Variants in MACC1 observed in about 807,000 individuals in gnomAD.
The protein encoded by MACC1 is metastasis-associated in colon cancer protein 1.
In MACC1, 79 loss-of-function variants were observed where a neutral mutation model predicts 70.7. The observed-to-expected ratio is 1.12, with a 90% CI of 0.93 to 1.35. The LOEUF is 1.35. Ranked by LOEUF, MACC1 falls within the 40% of genes most tolerant of loss-of-function variation. The pLI is 0.00. For synonymous variants in MACC1, 361 were observed against 347.2 expected (o/e 1.04, Z -0.44); for missense variants, 1,106 against 978.1 (o/e 1.13, Z -1.74).
chr7:20,197,491 C>T (rs147238288), intron 1 of MACC1, among the ~76,000 whole-genome samples: 6 of 152,260 alleles, frequency 3.9e-5, no homozygotes, highest in African/African-American at 1.4e-4. Context: ...TTTTCTTTCT[C>T]GAGCATTTTT....
intron 1 of MACC1, among the ~76,000 whole-genome samples, chr7:20,174,459 T>C (rs6958990): frequency 0.012 from 1,882 of 152,280 alleles, 45 homozygotes; most frequent in African/African-American, 0.043. Context: ...AATATAACTA[T>C]ATGGGAAATT....
At chr7:20,210,554 C>T (rs1395100786) in intron 1 of MACC1, among the ~76,000 whole-genome samples, 1 of 152,122 alleles carries the variant, frequency 6.6e-6, no homozygotes, top group Admixed American at 6.6e-5. Flanking sequence ...ATATTGATTC[C>T]CCACTGCCTT....
intron 5 of MACC1, among the ~76,000 whole-genome samples, chr7:20,155,398 C>T (rs1387188843): frequency 1.3e-5 from 2 of 152,174 alleles, no homozygotes; most frequent in Non-Finnish European, 2.9e-5. Flanking sequence ...AGATTAACAA[C>T]AATAACTAGT....
intron 1 of MACC1, among the ~76,000 whole-genome samples, chr7:20,201,272 A>G (rs989226983): frequency 1.3e-5 from 2 of 152,204 alleles, no homozygotes; most frequent in African/African-American, 4.8e-5. Context: ...AATTTATGAA[A>G]TGGGTTCTGA....
chr7:20,198,917 G>A (rs963727580), intron 1 of MACC1, among the ~76,000 whole-genome samples: 14 of 152,206 alleles, frequency 9.2e-5, no homozygotes, highest in African/African-American at 3.4e-4. Flanking sequence ...TTTATCCACA[G>A]AAGAGTGGTG....
At chr7:20,171,850 T>C (rs972431631) in intron 1 of MACC1, among the ~76,000 whole-genome samples, 2 of 152,094 alleles carry the variant, frequency 1.3e-5, no homozygotes, top group African/African-American at 4.8e-5. Flanking sequence ...ACAGAGACAA[T>C]TACATCTTCA....
rs534080758 is a variant in MACC1 at position 20,137,780 on chromosome 7, A to T, written c.*3166T>A. ...ATCCATTATAGCAAGAAAAAATATA[A>T]AGTTCAGAAAAGTAGAAACTATTTA... On this transcript the variant is annotated 3_prime_UTR_variant, in exon 7 of 7. Transcript: ENST00000400331. The T allele has an allele frequency of 3.3e-5, 5 of 152,324 alleles. No individual in the cohort carries two copies. Among genetic ancestry groups the T allele is most frequent in the Non-Finnish European group, 7.4e-5 (5 of 68,020 alleles). The allele number at this position is 152,324 out of a possible 1,614,324, so 9.4% of individuals were successfully genotyped here.
At position 20,140,726 on chromosome 7, in the gene MACC1, C is replaced by T. The variant is rs1034330605; in HGVS notation, c.*220G>A. The T allele has an allele frequency of 1.2e-5, 5 of 413,090 alleles. No individual in the cohort carries two copies. The highest frequency in any genetic ancestry group is 2.2e-5 in the African/African-American group (1 of 46,156). The allele number at this position is 413,090 out of a possible 1,614,324, so 25.6% of individuals were successfully genotyped here. ...CATCTTGGTTATCAGTTAGGCTGTG[C>T]TTTCATCAGGAAAAAAAAACTGGTT... is the stretch of plus-strand genomic sequence containing the variant. On this transcript the variant is annotated 3_prime_UTR_variant, in exon 7 of 7. Transcript: ENST00000400331.
chr7:20,199,804 A>G (rs1453738283), intron 1 of MACC1, among the ~76,000 whole-genome samples: 1 of 152,234 alleles, frequency 6.6e-6, no homozygotes, highest in Non-Finnish European at 1.5e-5. Context: ...AGTTAAGAAA[A>G]ACTTATTTTT....
chr7:20,158,854 T>A lies in MACC1; in HGVS notation c.1507A>T (p.Thr503Ser). The A allele has an allele frequency of 6.2e-7, 1 of 1,614,120 alleles. No homozygotes were observed. Among genetic ancestry groups the A allele is most frequent in the East Asian group, 2.2e-5 (1 of 44,872 alleles). ...NGEPVAQFSI[T>S]TPDPTPNLKR... ...AGGTTTGGGGTTGGATCAGGAGTAG[T>A]GATAGAGAACTGTGCAACTGGTTCA... The change falls in exon 5 of 7, where the codon ACT becomes TCT. Residue 503 changes from threonine (T) to serine (S), a missense_variant. By Grantham distance (58) the Thr-to-Ser change is moderately conservative. Coordinates refer to ENST00000400331, the MANE Select transcript of MACC1 (RefSeq NM_182762.4).
intron 5 of MACC1, among the ~76,000 whole-genome samples, chr7:20,157,620 TAAA>T (rs377372670): frequency 1.5e-5 from 2 of 137,478 alleles, no homozygotes; most frequent in Non-Finnish European, 1.6e-5. Flanking sequence ...ACTCATCCCT[TAAA>T]AAAAAAAAAA....
chr7:20,140,796 C>A lies in MACC1; in HGVS notation c.*150G>T. ...ATATAATGCTTTTCTGAGATTCTTT[C>A]TTTCCTACACACACACACACACACA... On this transcript the variant is annotated 3_prime_UTR_variant, in exon 7 of 7. Transcript: ENST00000400331. 1 of 533,046 alleles carries A rather than the reference C, an allele frequency of 1.9e-6. No individual in the cohort carries two copies. Among genetic ancestry groups the A allele is most frequent in the Non-Finnish European group, 3.1e-6 (1 of 323,360 alleles). 33.0% of individuals were successfully genotyped at this position (533,046 alleles called of 1,614,324 possible). A position where few individuals can be genotyped will look rare whatever the true frequency, so the allele number is the denominator to read the frequency against.
chr7:20,145,819 C>T (rs1308112976), intron 6 of MACC1, among the ~76,000 whole-genome samples: 1 of 152,130 alleles, frequency 6.6e-6, no homozygotes, highest in Non-Finnish European at 1.5e-5. Flanking sequence ...GTACTTAATA[C>T]ACTGATAAAA....
chr7:20,149,289 A>G (rs1023786861), intron 6 of MACC1, among the ~76,000 whole-genome samples: 14 of 152,232 alleles, frequency 9.2e-5, no homozygotes, highest in African/African-American at 3.4e-4. Flanking sequence ...AAAACAGTGT[A>G]TTTTATTCTA....
intron 2 of MACC1, among the ~76,000 whole-genome samples, chr7:20,164,717 A>G (rs1211031891): frequency 6.6e-6 from 1 of 152,226 alleles, no homozygotes; most frequent in Non-Finnish European, 1.5e-5. Flanking sequence ...TCCAAAATTA[A>G]AAGTTTTTAG....
chr7:20,143,861 C>T (rs1268709537), intron 6 of MACC1, among the ~76,000 whole-genome samples: 1 of 152,108 alleles, frequency 6.6e-6, no homozygotes, highest in Non-Finnish European at 1.5e-5. Context: ...TTGCCCTAAA[C>T]CGATTTGAGA....
rs34149819 is a variant in MACC1, at chr7:20,165,694, A to AT, written c.-152-1296dup. Among the ~76,000 whole-genome samples, 1,170 of 149,046 alleles carry AT rather than the reference A, an allele frequency of 7.8e-3. 22 individuals carry two copies. The highest frequency in any genetic ancestry group is 0.038 in the East Asian group (197 of 5,118). On this transcript the variant is annotated intron_variant, in intron 2 of 6. Transcript: ENST00000400331. ...AATGACAATTGCCGCCCAAAACAGG[A>AT]TTTTTTTTTTTACTTTATCTAGAGA...
At chr7:20,187,464 T>C (rs1428190542) in intron 1 of MACC1, among the ~76,000 whole-genome samples, 3 of 152,184 alleles carry the variant, frequency 2.0e-5, no homozygotes, top group Non-Finnish European at 4.4e-5. Flanking sequence ...CTTCTTGTCC[T>C]TTGCCTGCCT....
At chr7:20,183,135 G>A (rs573961562) in intron 1 of MACC1, among the ~76,000 whole-genome samples, 1 of 152,268 alleles carries the variant, frequency 6.6e-6, no homozygotes, top group Non-Finnish European at 1.5e-5. Flanking sequence ...TTTGGTGGAT[G>A]TACCCGACTT....
Sources: gnomAD v4.1 joint callset for allele counts (sites outside exome capture counted in the v4.1 genomes callset) on GRCh38, gnomAD v4.1.1 for gene constraint, MANE v1.5 for transcripts, NCBI Gene and HGNC (gene_info 2026-07-23, HGNC 2026-07-21) for gene names.